XRCC6: variants seen among roughly 807,000 people sequenced by gnomAD.
XRCC6 encodes DNA repair protein Ku70.
Under a neutral mutation model 65.7 loss-of-function variants are expected in XRCC6, and 5 were observed. That is an observed-to-expected ratio of 0.08 (90% CI 0.04 to 0.16). The LOEUF (loss-of-function observed/expected upper bound fraction) is 0.16, where lower values mean the gene tolerates loss of function less well. Among genes scored for constraint, XRCC6 ranks in the 10% least tolerant of loss-of-function variants. XRCC6 has a pLI of 1.00. For synonymous variants in XRCC6, 270 were observed against 270.6 expected, an observed-to-expected ratio of 1.00 and a Z score of 0.02; for missense variants, 447 against 738.1, an observed-to-expected ratio of 0.61 and a Z score of 4.57.
intron 6 of XRCC6, among the ~76,000 whole-genome samples, chr22:41,639,329 C>CTTTTTTTTTTTTTTTTTTTT (rs386395480): frequency 4.6e-5 from 3 of 64,584 alleles, no homozygotes; most frequent in Admixed American, 2.6e-4. Context: ...GATTCTTTTT[C>CTTTTTTTTTTTTTTTTTTTT]TTTTTTTTTT....
At chr22:41,628,982 A>C (rs886687359) in intron 3 of XRCC6, among the ~76,000 whole-genome samples, 2 of 151,428 alleles carry the variant, frequency 1.3e-5, no homozygotes, top group Non-Finnish European at 2.9e-5. Flanking sequence ...AAAAAAAAAA[A>C]AAAAAAACAA....
chr22:41,636,500 C>G lies in XRCC6; in HGVS notation c.335-16C>G. 3.7e-6 allele frequency: 6 copies of G among 1,612,318 alleles called. No homozygotes were observed. Among genetic ancestry groups the G allele is most frequent in the Non-Finnish European group, 5.1e-6 (6 of 1,178,880 alleles). On this transcript the variant is annotated splice_polypyrimidine_tract_variant and intron_variant, in intron 4 of 12. Coordinates refer to ENST00000360079, the MANE Select transcript of XRCC6 (RefSeq NM_001469.5). ...TTCTGATTTTTCTTTCCATTTGACT[C>G]CCTGCCTCTGATCAGGTGCAAAACG...
intron 6 of XRCC6, among the ~76,000 whole-genome samples, 167 bp from the exon 7 acceptor site, chr22:41,646,729 G>A (rs1419438995): frequency 6.6e-6 from 1 of 152,160 alleles, no homozygotes; most frequent in African/African-American, 2.4e-5. Flanking sequence ...AGATTCTGAG[G>A]TGGTATAGCA....
chr22:41,661,220 C>T, intron 11 of XRCC6, 111 bp from the exon 12 acceptor site: 2 of 862,702 alleles, frequency 2.3e-6, no homozygotes, highest in Admixed American at 2.3e-5. Context: ...AGACCCCTCC[C>T]ACCTTAGCAG....
intron 3 of XRCC6, among the ~76,000 whole-genome samples, chr22:41,634,781 C>T (rs2067792285): frequency 6.8e-6 from 1 of 148,138 alleles, no homozygotes; most frequent in Admixed American, 6.7e-5. Flanking sequence ...CTGACCTCGT[C>T]ATCTGCTCGC....
intron 7 of XRCC6, among the ~76,000 whole-genome samples, chr22:41,647,774 T>C (rs2067949397): frequency 6.6e-6 from 1 of 152,028 alleles, no homozygotes; most frequent in Admixed American, 6.6e-5. Flanking sequence ...GGTCTCACTA[T>C]GTTGCTCAGG....
At chr22:41,637,369 G>A (rs1390728742) in intron 5 of XRCC6, among the ~76,000 whole-genome samples, 1 of 152,180 alleles carries the variant, frequency 6.6e-6, no homozygotes, top group African/African-American at 2.4e-5. Flanking sequence ...ACAGATGTGA[G>A]CCACTGTGCC....
At chr22:41,651,361 A>ATTTTT (rs764795746) in intron 8 of XRCC6, among the ~76,000 whole-genome samples, 1 of 49,676 alleles carries the variant, frequency 2.0e-5, no homozygotes, top group African/African-American at 6.2e-5. Context: ...AGTTAAACAG[A>ATTTTT]TTTTTTTTTT....
intron 2 of XRCC6, 35 bp downstream of exon 2, chr22:41,622,121 G>A (rs1344716222): frequency 6.2e-7 from 1 of 1,609,712 alleles, no homozygotes; most frequent in Non-Finnish European, 8.5e-7. Flanking sequence ...CATTCGGTGT[G>A]TGGAAGAAAG....
intron 6 of XRCC6, among the ~76,000 whole-genome samples, chr22:41,640,394 C>G (rs1292041812): frequency 6.6e-6 from 1 of 152,132 alleles, no homozygotes; most frequent in Admixed American, 6.5e-5. Context: ...TGTGATCCAC[C>G]CGCCTCAGCC....
intron 11 of XRCC6, among the ~76,000 whole-genome samples, chr22:41,659,578 G>A (rs1393332671): frequency 1.3e-5 from 2 of 152,092 alleles, no homozygotes; most frequent in African/African-American, 4.8e-5. Context: ...GACCTCAAGT[G>A]ATCCACCTGT....
rs566383067 is a variant in XRCC6, at chr22:41,654,943, A to C, written c.1291+1253A>C. 4.1e-3 allele frequency among the ~76,000 whole-genome samples: 626 copies of C among 152,330 alleles called. 4 individuals are homozygous for C. The highest frequency in any genetic ancestry group is 6.8e-3 in the Non-Finnish European group (460 of 68,026). The stretch of plus-strand genomic sequence containing the variant: ...AGTCAACCATGGTCCAAAAATTTTA[A>C]GTGGAAAATTCTAGAAATAACTTAA... On this transcript the variant is annotated intron_variant, in intron 9 of 12. Transcript: ENST00000360079.
At chr22:41,636,021 A>G (rs2067805677) in intron 3 of XRCC6, 92 bp from the exon 4 acceptor site, 7 of 1,144,144 alleles carry the variant, frequency 6.1e-6, no homozygotes, top group Non-Finnish European at 8.5e-6. Flanking sequence ...ATACAAATTC[A>G]GTGCACATAT....
At chr22:41,648,773 A>T (rs1340052336) in intron 7 of XRCC6, among the ~76,000 whole-genome samples, 3 of 152,054 alleles carry the variant, frequency 2.0e-5, no homozygotes, top group Non-Finnish European at 4.4e-5. Context: ...AAGATAAGGA[A>T]TTTTCTTTTC....
At position 41,637,798 on chromosome 22, in the gene XRCC6, A is replaced by G. The variant is rs748805019; in HGVS notation, c.773+7A>G. On this transcript the variant is annotated splice_region_variant and intron_variant, in intron 6 of 12. Coordinates refer to ENST00000360079, the MANE Select transcript of XRCC6 (RefSeq NM_001469.5). ...GGAAGCGAGCACTCAGCAGGTGTGC[A>G]CTCAGCCCGGGTCAGCTGCCTACAC... The G allele has an allele frequency of 3.1e-6, 5 of 1,612,920 alleles. No individual in the cohort carries two copies. The highest frequency in any genetic ancestry group is 4.2e-6 in the Non-Finnish European group (5 of 1,179,578).
chr22:41,663,940 T>C lies in XRCC6; in HGVS notation c.*125T>C. 2 of 1,086,096 alleles carry C rather than the reference T, an allele frequency of 1.8e-6. No homozygotes were observed. The highest frequency in any genetic ancestry group is 1.3e-6 in the Non-Finnish European group (1 of 766,542). The allele number at this position is 1,086,096 out of a possible 1,614,324, so 67.3% of individuals were successfully genotyped here. On this transcript the variant is annotated 3_prime_UTR_variant, in exon 13 of 13. Coordinates refer to ENST00000360079, the MANE Select transcript of XRCC6 (RefSeq NM_001469.5). The stretch of plus-strand genomic sequence containing the variant: ...CTACCCGACATAAGTCGAGGGACTT[T>C]ATGTTTTTGAGGCTTTCTGTTGCCA...
At chr22:41,646,475 T>C (rs2067933297) in intron 6 of XRCC6, among the ~76,000 whole-genome samples, 1 of 152,182 alleles carries the variant, frequency 6.6e-6, no homozygotes, top group Non-Finnish European at 1.5e-5. Context: ...TTAGAAATGC[T>C]CTACAGTCTG....
At chr22:41,622,143 C>T (rs1422900328) in intron 2 of XRCC6, 57 bp downstream of exon 2, 35 of 1,563,714 alleles carry the variant, frequency 2.2e-5, no homozygotes, top group Non-Finnish European at 2.9e-5. Flanking sequence ...CCTTCCCTGC[C>T]TATCTCTGCT....
Position 41,663,881 on chromosome 22 carries a change from A to G in XRCC6, c.*66A>G, listed in dbSNP as rs559437035. The G allele has an allele frequency of 6.5e-7, 1 of 1,536,952 alleles. No homozygotes were observed. The highest frequency in any genetic ancestry group is 1.4e-5 in the African/African-American group (1 of 72,990). On this transcript the variant is annotated 3_prime_UTR_variant, in exon 13 of 13. Transcript: ENST00000360079. The stretch of plus-strand genomic sequence containing the variant: ...AGGCTGCCTGGCCTTGTCCTCAGCC[A>G]GTTAAAATGTGTTTCTCCTGAGCTA...
Sources: gnomAD v4.1 joint callset for allele counts (sites outside exome capture counted in the v4.1 genomes callset) on GRCh38, gnomAD v4.1.1 for gene constraint, MANE v1.5 for transcripts, NCBI Gene and HGNC (gene_info 2026-07-23, HGNC 2026-07-21) for gene names.